ENTPD1: variants seen among roughly 807,000 people sequenced by gnomAD.
The protein encoded by ENTPD1 is ATP diphosphohydrolase.
A neutral mutation model predicts 57.0 loss-of-function variants in ENTPD1; 33 were observed. The observed-to-expected ratio is 0.58, with a 90% CI of 0.44 to 0.77. The LOEUF is 0.77. Ranked by LOEUF, ENTPD1 falls within the 30% of genes least tolerant of loss-of-function variation. The probability of loss-of-function intolerance (pLI) is 0.00; values close to 1 mark genes in which losing one functional copy is unlikely to be tolerated. For missense variants in ENTPD1, 501 were observed against 603.4 expected, an observed-to-expected ratio of 0.83 and a Z score of 1.78; for synonymous variants, 202 against 218.8, an observed-to-expected ratio of 0.92 and a Z score of 0.68.
intron 3 of ENTPD1, among the ~76,000 whole-genome samples, chr10:95,841,069 GAC>G (rs758592135): frequency 1.3e-5 from 2 of 152,074 alleles, no homozygotes; most frequent in Non-Finnish European, 2.9e-5. Flanking sequence ...GCTTTTATTT[GAC>G]ACACTGCCTT....
At chr10:95,789,587 A>C (rs2098194637) in intron 1 of ENTPD1, among the ~76,000 whole-genome samples, 1 of 152,196 alleles carries the variant, frequency 6.6e-6, no homozygotes, top group Non-Finnish European at 1.5e-5. Flanking sequence ...AAGATGAACC[A>C]TATAGCCTAG....
At chr10:95,723,943 C>T (rs1449714331) in intron 1 of ENTPD1, among the ~76,000 whole-genome samples, 5 of 151,860 alleles carry the variant, frequency 3.3e-5, no homozygotes, top group Non-Finnish European at 5.9e-5. Context: ...GGGCAGATCA[C>T]GAAGTCAGGA....
At chr10:95,738,825 G>A (rs747270834) in intron 1 of ENTPD1, among the ~76,000 whole-genome samples, 3 of 152,200 alleles carry the variant, frequency 2.0e-5, no homozygotes, top group Non-Finnish European at 2.9e-5. Context: ...GCTGTGGGAT[G>A]TTGAAGGATT....
upstream of ENTPD1, among the ~76,000 whole-genome samples, chr10:95,708,218 A>T (rs938490754): frequency 3.7e-4 from 55 of 147,926 alleles, no homozygotes; most frequent in African/African-American, 1.1e-3. Flanking sequence ...TTTTTATTTT[A>T]TTTTTTTTTT....
At chr10:95,729,923 G>A (rs762563773) in intron 1 of ENTPD1, among the ~76,000 whole-genome samples, 2 of 152,138 alleles carry the variant, frequency 1.3e-5, no homozygotes, top group Non-Finnish European at 2.9e-5. Context: ...GTGATATCCC[G>A]ATTCCTGATT....
In ENTPD1 at chr10:95,791,906, TG is replaced by T. The variant is rs1008435616; in HGVS notation, c.17-31325del. Among the ~76,000 whole-genome samples the T allele has an allele frequency of 5.9e-5, 9 of 151,986 alleles. No homozygotes were observed. The highest frequency in any genetic ancestry group is 1.9e-4 in the African/African-American group (8 of 41,374). On this transcript the variant is annotated intron_variant, in intron 1 of 9. Coordinates refer to ENST00000371205, the MANE Select transcript of ENTPD1 (RefSeq NM_001776.6). The surrounding 1 kb of genome is among the most constrained non-coding windows in gnomAD (Gnocchi z 4.1). The stretch of plus-strand genomic sequence containing the variant: ...GTTTGAAAAAGAGAAATCATGTTCA[TG>T]GGGGGTATTTTAGAAGTCAGCATGG...
At chr10:95,854,126 T>C (rs9664384) in intron 7 of ENTPD1, among the ~76,000 whole-genome samples, 23,465 of 152,184 alleles carry the variant, frequency 0.15, 2,285 homozygotes, top group African/African-American at 0.26. Flanking sequence ...TATTGGTCTA[T>C]TCAGAGATTC....
At chr10:95,779,965 C>T (rs951075368) in intron 1 of ENTPD1, among the ~76,000 whole-genome samples, 10 of 152,000 alleles carry the variant, frequency 6.6e-5, no homozygotes, top group Non-Finnish European at 1.0e-4. Flanking sequence ...GTGGCTAGTT[C>T]GATACAACTA....
At position 95,759,853 on chromosome 10, in the gene ENTPD1, T is replaced by A. The variant is rs149875914; in HGVS notation, c.16+3598T>A. On this transcript the variant is annotated intron_variant, in intron 1 of 9. Coordinates refer to ENST00000371205, the MANE Select transcript of ENTPD1 (RefSeq NM_001776.6). ...AAATTCCATGATATTGGTTTCTGCA[T>A]CTTCCAGCTGTGGAAGGAGGTCATT... Among the ~76,000 whole-genome samples the A allele has an allele frequency of 1.3e-3, 194 of 152,368 alleles. 3 individuals carry two copies. In the East Asian group the frequency reaches 0.035, roughly 27 times the overall value.
the ENTPD1 span, among the ~76,000 whole-genome samples, chr10:95,700,127 G>C: frequency 5.3e-5 from 8 of 152,170 alleles, no homozygotes; most frequent in Non-Finnish European, 7.3e-5. Context: ...AGAGAGATTT[G>C]AGAAGTAATC....
intron 1 of ENTPD1, among the ~76,000 whole-genome samples, chr10:95,714,884 T>C (rs1422114914): frequency 6.6e-6 from 1 of 152,226 alleles, no homozygotes; most frequent in Admixed American, 6.5e-5. Context: ...TCAGGTCTGC[T>C]TTCTTACATC....
chr10:95,824,174 A>G lies in ENTPD1; in HGVS notation c.144+810A>G, dbSNP rs1043159791. Among the ~76,000 whole-genome samples the G allele has an allele frequency of 5.3e-5, 8 of 152,218 alleles. No individual in the cohort carries two copies. The South Asian group carries it at 1.2e-3, about 24-fold the overall frequency. On this transcript the variant is annotated intron_variant, in intron 2 of 9. Coordinates refer to ENST00000371205, the MANE Select transcript of ENTPD1 (RefSeq NM_001776.6). ...TATAAATACACCATTTTAAACTTTC[A>G]CTGAAATTATAGTAAACAAATATAT... is the stretch of plus-strand genomic sequence containing the variant.
In ENTPD1 at chr10:95,768,553, T is replaced by C. The variant is rs540195305; in HGVS notation, c.16+12298T>C. Among the ~76,000 whole-genome samples, 18 of 152,178 alleles carry C rather than the reference T, an allele frequency of 1.2e-4. No individual in the cohort carries two copies. In the East Asian group the frequency reaches 3.5e-3, roughly 29 times the overall value. On this transcript the variant is annotated intron_variant, in intron 1 of 9. Coordinates refer to ENST00000371205, the MANE Select transcript of ENTPD1 (RefSeq NM_001776.6). ...TTCCTTCTTTATTCCTTTCATTTTC[T>C]TCATTTATTTTTCATTGCATTCTGA...
chr10:95,775,045 A>G (rs896367586), intron 1 of ENTPD1, among the ~76,000 whole-genome samples: 6 of 152,184 alleles, frequency 3.9e-5, no homozygotes, highest in Admixed American at 2.0e-4. Context: ...GGGGTCCTTT[A>G]CATCCCTTGT....
chr10:95,802,159 T>G (rs2098252347), intron 1 of ENTPD1, among the ~76,000 whole-genome samples: 1 of 152,154 alleles, frequency 6.6e-6, no homozygotes, highest in Non-Finnish European at 1.5e-5. Flanking sequence ...ATACATTGGT[T>G]TGTTTCAGAA....
At chr10:95,847,967 C>T (rs1346308429) in intron 7 of ENTPD1, among the ~76,000 whole-genome samples, 1 of 152,156 alleles carries the variant, frequency 6.6e-6, no homozygotes, top group East Asian at 1.9e-4. Flanking sequence ...TGGCTCTAGG[C>T]AGCACCTTAA....
intron 1 of ENTPD1, among the ~76,000 whole-genome samples, chr10:95,787,616 A>G (rs993761264): frequency 2.0e-5 from 3 of 152,196 alleles, no homozygotes; most frequent in Admixed American, 2.0e-4. Flanking sequence ...AAGTATTTCT[A>G]TTACAAATGA....
chr10:95,709,108 T>G (rs2097963641), upstream of ENTPD1, among the ~76,000 whole-genome samples: 1 of 152,164 alleles, frequency 6.6e-6, no homozygotes, highest in Non-Finnish European at 1.5e-5. Context: ...TGCATGAAGT[T>G]ATAGGAAATT....
chr10:95,813,896 A>C (rs900679543), intron 1 of ENTPD1, among the ~76,000 whole-genome samples: 8 of 152,214 alleles, frequency 5.3e-5, no homozygotes, highest in African/African-American at 1.9e-4. Context: ...CCCTGCTTCC[A>C]CTATTATCCA....
Sources: gnomAD v4.1 joint callset for allele counts (sites outside exome capture counted in the v4.1 genomes callset) on GRCh38, gnomAD v4.1.1 for gene constraint, Gnocchi (gnomAD v3.1) non-coding constraint, MANE v1.5 for transcripts, NCBI Gene and HGNC (gene_info 2026-07-23, HGNC 2026-07-21) for gene names.